The following DPYD variants were observed in gnomAD, a reference collection of about 807,000 sequenced individuals.
DPYD encodes the protein dihydropyrimidine dehydrogenase [NADP(+)].
In DPYD, 109 loss-of-function variants were observed where a neutral mutation model predicts 116.2. The observed-to-expected ratio is 0.94, with a 90% CI of 0.80 to 1.10. The LOEUF (loss-of-function observed/expected upper bound fraction) is 1.10. Ranked by LOEUF, DPYD falls within the 50% of genes least tolerant of loss-of-function variation. The probability of loss-of-function intolerance (pLI) is 0.00; values close to 1 mark genes in which losing one functional copy is unlikely to be tolerated. For synonymous variants in DPYD, 440 were observed against 432.0 expected (o/e 1.02, Z -0.23); for missense variants, 1,302 against 1,254.5 (o/e 1.04, Z -0.57).
intron 13 of DPYD, among the ~76,000 whole-genome samples, chr1:97,473,372 T>A (rs532790421): frequency 2.2e-4 from 33 of 152,350 alleles, no homozygotes; most frequent in South Asian, 1.0e-3. Flanking sequence ...TCTTTTTTTA[T>A]TCATTCATCA....
At chr1:97,491,028 T>C (rs1678944533) in intron 13 of DPYD, among the ~76,000 whole-genome samples, 1 of 149,918 alleles carries the variant, frequency 6.7e-6, no homozygotes, top group Non-Finnish European at 1.5e-5. Flanking sequence ...AAATTTGCAA[T>C]TGTATTTCCA....
chr1:97,163,087 TA>T (rs1656051157), intron 20 of DPYD, among the ~76,000 whole-genome samples: 1 of 151,272 alleles, frequency 6.6e-6, no homozygotes, highest in South Asian at 2.1e-4. Context: ...ACTTCATGTC[TA>T]AAACACCAAA....
chr1:97,902,407 A>T (rs1330596468), intron 1 of DPYD, among the ~76,000 whole-genome samples: 1 of 151,824 alleles, frequency 6.6e-6, no homozygotes, highest in African/African-American at 2.4e-5. Context: ...GAATTAGAAG[A>T]TGCATAAATA....
chr1:97,257,555 G>A lies in DPYD; in HGVS notation c.2300-22561C>T, dbSNP rs575417425. On this transcript the variant is annotated intron_variant, in intron 18 of 22. Transcript: ENST00000370192. Reference sequence around the variant, plus strand: ...TATATGTGTGTGTATATATGTATACGTATATATATATTTGTGTATGTATAT... The same window carrying A: ...TATATGTGTGTGTATATATGTATACATATATATATATTTGTGTATGTATAT... Among the ~76,000 whole-genome samples the A allele has an allele frequency of 2.9e-3, 431 of 149,316 alleles. 1 individual carries two copies. Among genetic ancestry groups the A allele is most frequent in the African/African-American group, 9.9e-3 (401 of 40,446 alleles).
intron 21 of DPYD, among the ~76,000 whole-genome samples, chr1:97,088,544 C>T (rs1427442435): frequency 6.6e-6 from 1 of 152,132 alleles, no homozygotes; most frequent in African/African-American, 2.4e-5. Flanking sequence ...CCCTATTAAC[C>T]ATCTGGTTAC....
At chr1:97,483,417 T>C (rs1678431982) in intron 13 of DPYD, among the ~76,000 whole-genome samples, 1 of 152,170 alleles carries the variant, frequency 6.6e-6, no homozygotes, top group South Asian at 2.1e-4. Flanking sequence ...GTGTTGCCAA[T>C]GTCATAGTAT....
At chr1:97,610,384 T>G (rs528253036) in intron 8 of DPYD, among the ~76,000 whole-genome samples, 3 of 152,154 alleles carry the variant, frequency 2.0e-5, no homozygotes, top group Admixed American at 2.0e-4. Context: ...TGACCTGTGA[T>G]CAATTTTAAT....
chr1:97,581,598 T>G (rs1653677684), intron 10 of DPYD, among the ~76,000 whole-genome samples: 1 of 151,582 alleles, frequency 6.6e-6, no homozygotes, highest in Non-Finnish European at 1.5e-5. Flanking sequence ...TTTAAAAAAT[T>G]TGCCAGGTAT....
chr1:97,610,711 G>A (rs907333655), intron 8 of DPYD, among the ~76,000 whole-genome samples: 1 of 151,936 alleles, frequency 6.6e-6, no homozygotes, highest in African/African-American at 2.4e-5. Context: ...TCAGATTTTT[G>A]TATCTCAGAT....
At chr1:97,206,376 T>C (rs1221166369) in intron 19 of DPYD, among the ~76,000 whole-genome samples, 1 of 152,000 alleles carries the variant, frequency 6.6e-6, no homozygotes, top group African/African-American at 2.4e-5. Context: ...TCAAAATATG[T>C]CTACATGTAG....
intron 11 of DPYD, among the ~76,000 whole-genome samples, chr1:97,558,994 A>G (rs950608566): frequency 4.6e-5 from 7 of 152,152 alleles, no homozygotes; most frequent in African/African-American, 1.2e-4. Flanking sequence ...GCTTATTTAT[A>G]TTCAATGATA....
chr1:97,319,034 G>A lies in DPYD; in HGVS notation c.2059-12737C>T, dbSNP rs1234748970. Among the ~76,000 whole-genome samples, 9 of 43,830 alleles carry A rather than the reference G, an allele frequency of 2.1e-4. No homozygotes were observed. The South Asian group carries it at 4.5e-3, about 22-fold the overall frequency. 28.8% of individuals were successfully genotyped at this position (43,830 alleles called of 152,430 possible). ...AATAAAGATGTTCTTTGAAACCAACGAGAACAAAGACACAACATACCAGAA... is the reference window on the plus strand; with the variant it reads ...AATAAAGATGTTCTTTGAAACCAACAAGAACAAAGACACAACATACCAGAA... On this transcript the variant is annotated intron_variant, in intron 16 of 22. Coordinates refer to ENST00000370192, the MANE Select transcript of DPYD (RefSeq NM_000110.4).
chr1:97,625,808 G>A (rs1656893401), intron 8 of DPYD, among the ~76,000 whole-genome samples: 1 of 151,894 alleles, frequency 6.6e-6, no homozygotes, highest in African/African-American at 2.4e-5. Context: ...AAGCCACCCT[G>A]TCTGTGATAC....
intron 10 of DPYD, among the ~76,000 whole-genome samples, chr1:97,588,594 C>G (rs1654300988): frequency 1.3e-5 from 2 of 152,138 alleles, no homozygotes; most frequent in South Asian, 4.1e-4. Flanking sequence ...TTCTGTTATC[C>G]TGTGAAATTT....
chr1:97,625,464 G>T (rs1656877017), intron 8 of DPYD, among the ~76,000 whole-genome samples: 1 of 151,978 alleles, frequency 6.6e-6, no homozygotes. Flanking sequence ...GGTAACTGTT[G>T]TGAACTGAGT....
intron 20 of DPYD, among the ~76,000 whole-genome samples, chr1:97,126,301 T>C (rs1448167020): frequency 1.3e-5 from 2 of 152,154 alleles, no homozygotes; most frequent in African/African-American, 4.8e-5. Flanking sequence ...TTTAATTACC[T>C]ATAGATTATA....
chr1:97,751,458 G>GTATATATATATA (rs1345170970), intron 3 of DPYD, among the ~76,000 whole-genome samples: 48 of 22,038 alleles, frequency 2.2e-3, no homozygotes, highest in Non-Finnish European at 3.6e-3. Flanking sequence ...GTGTGTGTGT[G>GTATATATATATA]TGTATATATA....
intron 18 of DPYD, among the ~76,000 whole-genome samples, chr1:97,300,192 C>T (rs1412418031): frequency 6.6e-6 from 1 of 151,882 alleles, no homozygotes; most frequent in Non-Finnish European, 1.5e-5. Flanking sequence ...TTACTTTTGT[C>T]CATACAAAAA....
chr1:97,586,197 A>G (rs1290725867), intron 10 of DPYD: 2 of 152,242 alleles, frequency 1.3e-5, no homozygotes, highest in Admixed American at 1.3e-4. Flanking sequence ...GTTGGAAGTG[A>G]AAAAAACCCA....
Sources: allele counts gnomAD v4.1 joint callset (sites outside exome capture counted in the v4.1 genomes callset), GRCh38; gene constraint gnomAD v4.1.1; transcripts MANE v1.5; gene names NCBI Gene and HGNC (gene_info 2026-07-23, HGNC 2026-07-21).